Variants in SSPN observed in about 807,000 individuals in gnomAD.
The protein encoded by SSPN is K-ras oncogene-associated protein.
SSPN carries 15 observed loss-of-function variants against 19.1 expected under a neutral mutation model. That is an observed-to-expected ratio of 0.78 (90% confidence interval 0.52 to 1.21). The LOEUF is 1.21. Among genes scored for constraint, SSPN ranks in the 50% most tolerant of loss-of-function variants. The pLI is 0.00. For synonymous variants in SSPN, 147 were observed against 140.3 expected (o/e 1.05, Z -0.34); for missense variants, 291 against 314.0 (o/e 0.93, Z 0.55).
At chr12:26,202,162 A>G (rs1944891740) in intron 1 of SSPN, among the ~76,000 whole-genome samples, 1 of 152,240 alleles carries the variant, frequency 6.6e-6, no homozygotes, top group Non-Finnish European at 1.5e-5. Flanking sequence ...TGAGGGAATA[A>G]TGACATGAAA....
intron 1 of SSPN, among the ~76,000 whole-genome samples, chr12:26,146,339 C>A (rs934112696): frequency 3.9e-5 from 6 of 152,146 alleles, no homozygotes; most frequent in African/African-American, 1.4e-4. Flanking sequence ...TCTTGGAGCA[C>A]CCTCAGTCTC....
At chr12:26,202,965 T>C (rs1040089083) in intron 1 of SSPN, among the ~76,000 whole-genome samples, 6 of 152,156 alleles carry the variant, frequency 3.9e-5, no homozygotes, top group Non-Finnish European at 8.8e-5. Context: ...CTTACAATCA[T>C]GGCAGAAGGC....
intron 1 of SSPN, among the ~76,000 whole-genome samples, chr12:26,142,926 A>C (rs1944469011): frequency 6.6e-6 from 1 of 152,194 alleles, no homozygotes; most frequent in African/African-American, 2.4e-5. Context: ...GGTCCTCTCA[A>C]ATGGATTCAG....
At chr12:26,187,295 C>T (rs1189389750) in intron 1 of SSPN, among the ~76,000 whole-genome samples, 1 of 152,180 alleles carries the variant, frequency 6.6e-6, no homozygotes, top group Non-Finnish European at 1.5e-5. Context: ...GATCTTTCCA[C>T]AATATAAAGA....
chr12:26,223,104 G>T (rs536246991), intron 1 of SSPN, among the ~76,000 whole-genome samples: 1 of 152,302 alleles, frequency 6.6e-6, no homozygotes, highest in South Asian at 2.1e-4. Context: ...CCTGAAATGT[G>T]TCTCTCAAAT....
At chr12:26,130,491 A>G (rs1482617752) in intron 1 of SSPN, among the ~76,000 whole-genome samples, 1 of 152,222 alleles carries the variant, frequency 6.6e-6, no homozygotes, top group Non-Finnish European at 1.5e-5. Context: ...CAGACTTACA[A>G]TCAAAACTAT....
Position 26,123,700 on chromosome 12 carries a change from A to G in SSPN, c.-31+1548A>G, listed in dbSNP as rs573569200. On this transcript the variant is annotated intron_variant, in intron 1 of 2. Coordinates refer to the SSPN transcript ENST00000538142. Reference sequence around the variant, plus strand: ...CGGTTAAAGCTTTTAAGTGTTTCAAAGTTAATTCCAAGACTACAGCTTTCT... The same window carrying G: ...CGGTTAAAGCTTTTAAGTGTTTCAAGGTTAATTCCAAGACTACAGCTTTCT... The G allele has an allele frequency of 7.4e-6, 12 of 1,614,170 alleles. No individual in the cohort carries two copies. The Admixed American group carries it at 2.0e-4, about 27-fold the overall frequency.
intron 1 of SSPN, among the ~76,000 whole-genome samples, chr12:26,178,492 C>A (rs1944698666): frequency 6.6e-6 from 1 of 152,050 alleles, no homozygotes; most frequent in Non-Finnish European, 1.5e-5. Context: ...TGTATAATAG[C>A]TGCCTGGATA....
At chr12:26,122,415 A>G (rs1186017491) in intron 1 of SSPN, 4 of 1,318,198 alleles carry the variant, frequency 3.0e-6, no homozygotes, top group Non-Finnish European at 3.9e-6. Context: ...GCTCTTGTCC[A>G]GGAAGGGCTG....
At chr12:26,161,107 C>CAAAAAAAAAAAAAAAAAAA (rs35876807) in intron 1 of SSPN, among the ~76,000 whole-genome samples, 1 of 97,936 alleles carries the variant, frequency 1.0e-5, no homozygotes, top group African/African-American at 3.8e-5. Flanking sequence ...GACTCTGTCT[C>CAAAAAAAAAAAAAAAAAAA]AAAAAAAAAA....
chr12:26,124,447 T>C (rs1944344348), intron 1 of SSPN: 24 of 1,502,600 alleles, frequency 1.6e-5, no homozygotes, highest in Non-Finnish European at 2.2e-5. Context: ...CGGGCAGAGC[T>C]TCACTGTGAA....
chr12:26,154,969 G>C (rs1446829600), intron 1 of SSPN, among the ~76,000 whole-genome samples: 1 of 152,150 alleles, frequency 6.6e-6, no homozygotes, highest in Non-Finnish European at 1.5e-5. Context: ...AAAACAATCT[G>C]TGGAGCTCAG....
chr12:26,185,548 T>C (rs1184053865), intron 1 of SSPN, among the ~76,000 whole-genome samples: 1 of 152,046 alleles, frequency 6.6e-6, no homozygotes, highest in East Asian at 1.9e-4. Flanking sequence ...AGAAAAGAAG[T>C]GACACTAGGA....
rs1565694072 is a variant in SSPN, at chr12:26,224,304, G to C, written c.291G>C (p.Val97=). Residue 97 remains valine, a synonymous_variant, in exon 2 of 3, where the codon GTG becomes GTC. Transcript: ENST00000242729. ...GTTCTCCCTTGCAGGTCTGCTTAGT[G>C]GCCTATCTTGGCTTGTTTATGCTTT... ...PFWAGIIVCL[V]AYLGLFMLCV... is the part of the protein sequence containing the mutation. 6.2e-7 allele frequency: 1 copy of C among 1,613,702 alleles called. No homozygotes were observed. Among genetic ancestry groups the C allele is most frequent in the Non-Finnish European group, 8.5e-7 (1 of 1,179,662 alleles).
chr12:26,151,696 A>T (rs1565673043), intron 1 of SSPN, among the ~76,000 whole-genome samples: 1 of 152,184 alleles, frequency 6.6e-6, no homozygotes, highest in Non-Finnish European at 1.5e-5. Flanking sequence ...CTCAGCATGC[A>T]TAAAGGTTAC....
At chr12:26,187,471 C>T (rs1274667318) in intron 1 of SSPN, among the ~76,000 whole-genome samples, 2 of 152,190 alleles carry the variant, frequency 1.3e-5, no homozygotes, top group Non-Finnish European at 2.9e-5. Context: ...TCAGTAACTT[C>T]TATGAGATAA....
chr12:26,122,656 C>A (rs1384666196), intron 1 of SSPN: 1 of 1,384,354 alleles, frequency 7.2e-7, no homozygotes, highest in Non-Finnish European at 9.4e-7. Flanking sequence ...CCGCTGCCGC[C>A]GCCGCGGGAA....
intron 1 of SSPN, among the ~76,000 whole-genome samples, chr12:26,129,628 A>C (rs528281571): frequency 6.6e-6 from 1 of 152,364 alleles, no homozygotes; most frequent in East Asian, 1.9e-4. Context: ...GCAAATGAGC[A>C]GAAACAGCAC....
intron 1 of SSPN, chr12:26,134,929 AG>A (rs1232438203): frequency 6.6e-6 from 1 of 152,366 alleles, no homozygotes; most frequent in Non-Finnish European, 1.5e-5. Context: ...AAGTTCTGTC[AG>A]GGGGTAGGGC....
Sources: allele counts gnomAD v4.1 joint callset (sites outside exome capture counted in the v4.1 genomes callset), GRCh38; gene constraint gnomAD v4.1.1; transcripts MANE v1.5; gene names NCBI Gene and HGNC (gene_info 2026-07-23, HGNC 2026-07-21).